The following HYCC1 variants were observed in gnomAD, a reference collection of about 807,000 sequenced individuals.
The protein encoded by HYCC1 is hyccin.
At chr7:22,931,465 C>T in the HYCC1 span, among the ~76,000 whole-genome samples, 1 of 152,096 alleles carries the variant, frequency 6.6e-6, no homozygotes, top group Non-Finnish European at 1.5e-5. Context: ...GCATGGGGTG[C>T]TGCCATAACA....
chr7:22,995,791 T>C, the HYCC1 span, among the ~76,000 whole-genome samples: 3 of 152,246 alleles, frequency 2.0e-5, no homozygotes, highest in East Asian at 3.9e-4. Context: ...GCACTGGACA[T>C]AGCTATTCAC....
the HYCC1 span, among the ~76,000 whole-genome samples, chr7:22,913,973 G>T: frequency 6.6e-6 from 1 of 152,152 alleles, no homozygotes; most frequent in Non-Finnish European, 1.5e-5. Flanking sequence ...TTCAAATTGG[G>T]TAAGCAGTCT....
chr7:22,950,050 A>C, the HYCC1 span, among the ~76,000 whole-genome samples: 1 of 152,038 alleles, frequency 6.6e-6, no homozygotes, highest in African/African-American at 2.4e-5. Context: ...TTTGTTACCT[A>C]ATCTTGCTCT....
At chr7:22,957,391 A>G in the HYCC1 span, among the ~76,000 whole-genome samples, 5 of 151,850 alleles carry the variant, frequency 3.3e-5, no homozygotes, top group African/African-American at 9.7e-5. Context: ...TACCCAGAAA[A>G]GATAGAAAGA....
the HYCC1 span, among the ~76,000 whole-genome samples, chr7:22,899,563 T>C: frequency 3.3e-5 from 5 of 152,220 alleles, no homozygotes; most frequent in African/African-American, 1.2e-4. Context: ...AATGAGTAGC[T>C]GTACCCTCCT....
chr7:22,924,042 G>A, the HYCC1 span, among the ~76,000 whole-genome samples: 17 of 151,148 alleles, frequency 1.1e-4, no homozygotes, highest in South Asian at 2.7e-3. Context: ...TAGCCAGTGC[G>A]GTGGTGCACG....
the HYCC1 span, among the ~76,000 whole-genome samples, chr7:23,002,166 A>T: frequency 3.7e-5 from 3 of 81,154 alleles, no homozygotes; most frequent in African/African-American, 1.0e-4. Flanking sequence ...ATATATATAT[A>T]TATATATATA....
the HYCC1 span, among the ~76,000 whole-genome samples, chr7:22,986,818 G>T: frequency 6.6e-6 from 1 of 152,058 alleles, no homozygotes. Context: ...ACTGCACTCC[G>T]GCCTGGGCAA....
the HYCC1 span, among the ~76,000 whole-genome samples, chr7:22,927,616 T>C: frequency 1.1e-4 from 17 of 152,020 alleles, no homozygotes; most frequent in East Asian, 2.7e-3. Flanking sequence ...ACACATACAC[T>C]CTCCCAAGAC....
At chr7:22,911,825 T>C in the HYCC1 span, among the ~76,000 whole-genome samples, 288 of 152,324 alleles carry the variant, frequency 1.9e-3, 3 homozygotes, top group African/African-American at 6.7e-3. Flanking sequence ...CCCAGTACTA[T>C]ATTTTTGAAG....
the HYCC1 span, among the ~76,000 whole-genome samples, chr7:22,930,068 C>A: frequency 1.3e-5 from 2 of 151,524 alleles, no homozygotes; most frequent in Non-Finnish European, 2.9e-5. Flanking sequence ...TGGAAACCAT[C>A]ATTCTCAGCA....
chr7:22,897,853 C>T, the HYCC1 span, among the ~76,000 whole-genome samples: 3 of 151,992 alleles, frequency 2.0e-5, no homozygotes, highest in African/African-American at 7.2e-5. Context: ...AAGCTGGTCT[C>T]GAACTCCTAG....
the HYCC1 span, among the ~76,000 whole-genome samples, chr7:22,991,562 A>C: frequency 6.6e-6 from 1 of 152,154 alleles, no homozygotes; most frequent in African/African-American, 2.4e-5. Flanking sequence ...CTTATATTTC[A>C]GTTCTTTACA....
chr7:22,904,990 C>T, the HYCC1 span, among the ~76,000 whole-genome samples: 1 of 151,780 alleles, frequency 6.6e-6, no homozygotes, highest in Non-Finnish European at 1.5e-5. Context: ...AGGTTACAAT[C>T]GTGGTAGAAG....
chr7:22,914,069 A>G, the HYCC1 span, among the ~76,000 whole-genome samples: 1 of 152,210 alleles, frequency 6.6e-6, no homozygotes, highest in Non-Finnish European at 1.5e-5. Context: ...TAGTAGAAAC[A>G]AAGGAGGCAC....
the HYCC1 span, among the ~76,000 whole-genome samples, chr7:22,921,976 C>T: frequency 1.3e-5 from 2 of 151,778 alleles, no homozygotes; most frequent in Non-Finnish European, 2.9e-5. Context: ...AACTCAAAAG[C>T]CTACAGTGAA....
At chr7:22,950,232 C>G in the HYCC1 span, among the ~76,000 whole-genome samples, 1 of 151,882 alleles carries the variant, frequency 6.6e-6, no homozygotes, top group African/African-American at 2.4e-5. Context: ...CTTGGTCAAC[C>G]CATCCAAAGT....
the HYCC1 span, among the ~76,000 whole-genome samples, chr7:22,925,387 C>A: frequency 2.0e-5 from 3 of 152,058 alleles, no homozygotes; most frequent in Admixed American, 6.6e-5. Context: ...CTACTCCGAG[C>A]TAAAGGAGGA....
At chr7:22,909,481 T>C in the HYCC1 span, among the ~76,000 whole-genome samples, 6 of 152,220 alleles carry the variant, frequency 3.9e-5, no homozygotes, top group African/African-American at 1.4e-4. Flanking sequence ...AATGCAAGAA[T>C]GGCCTAACAC....
Sources: allele counts gnomAD v4.1 joint callset (sites outside exome capture counted in the v4.1 genomes callset), GRCh38; gene constraint gnomAD v4.1.1; transcripts MANE v1.5; gene names NCBI Gene and HGNC (gene_info 2026-07-23, HGNC 2026-07-21).